KDM7A: variants seen among roughly 807,000 people sequenced by gnomAD.
KDM7A encodes lysine demethylase 7A.
Under a neutral mutation model 114.8 loss-of-function variants are expected in KDM7A, and 28 were observed. The observed-to-expected ratio is 0.24, with a 90% CI of 0.18 to 0.33. The LOEUF is 0.33. KDM7A is among the 10% of genes least tolerant of loss of function. KDM7A has a pLI of 1.00. For synonymous variants in KDM7A, 423 were observed against 397.8 expected, an observed-to-expected ratio of 1.06 and a Z score of -0.75; for missense variants, 942 against 1,142.5, an observed-to-expected ratio of 0.82 and a Z score of 2.53.
intron 2 of KDM7A, among the ~76,000 whole-genome samples, chr7:140,135,205 CTTTT>C (rs11336171): frequency 2.3e-5 from 3 of 131,818 alleles, no homozygotes; most frequent in Non-Finnish European, 4.8e-5. Context: ...TACATAACTC[CTTTT>C]TTTTTTTTTT....
At chr7:140,112,233 CATT>C (rs2116773260) in intron 10 of KDM7A, among the ~76,000 whole-genome samples, 1 of 152,278 alleles carries the variant, frequency 6.6e-6, no homozygotes, top group African/African-American at 2.4e-5. Flanking sequence ...AGTATAAAAT[CATT>C]GAGGCAGTAA....
At chr7:140,117,887 G>A (rs1047366911) in intron 9 of KDM7A, among the ~76,000 whole-genome samples, 10 of 152,170 alleles carry the variant, frequency 6.6e-5, no homozygotes, top group Non-Finnish European at 1.2e-4. Flanking sequence ...TCCTTCTCAT[G>A]CATGGGATTC....
intron 12 of KDM7A, among the ~76,000 whole-genome samples, chr7:140,100,733 TATATATATACATATA>T (rs1818207607): frequency 1.9e-5 from 1 of 51,888 alleles, no homozygotes; most frequent in African/African-American, 7.4e-5. Flanking sequence ...TATATATATA[TATATATATACATATA>T]TATTTTTTTG....
chr7:140,115,902 A>T (rs1467637174), intron 9 of KDM7A, among the ~76,000 whole-genome samples: 1 of 151,496 alleles, frequency 6.6e-6, no homozygotes, highest in Non-Finnish European at 1.5e-5. Flanking sequence ...CATAAAAAAA[A>T]AAGGCTTATA....
intron 1 of KDM7A, among the ~76,000 whole-genome samples, chr7:140,152,634 A>G (rs969051354): frequency 6.6e-6 from 1 of 152,162 alleles, no homozygotes; most frequent in Admixed American, 6.5e-5. Flanking sequence ...AAAAAAAAAA[A>G]AAAGAAATCC....
chr7:140,133,958 C>T (rs1818830877), intron 2 of KDM7A, among the ~76,000 whole-genome samples: 1 of 152,168 alleles, frequency 6.6e-6, no homozygotes, highest in African/African-American at 2.4e-5. Flanking sequence ...TATACAATTT[C>T]CAAATTATAT....
intron 1 of KDM7A, among the ~76,000 whole-genome samples, chr7:140,154,365 G>A (rs912410706): frequency 6.6e-6 from 1 of 151,514 alleles, no homozygotes; most frequent in Non-Finnish European, 1.5e-5. Context: ...ATGGTGGCAT[G>A]TACCTGTAGC....
chr7:140,155,531 T>C (rs893736696), intron 1 of KDM7A, among the ~76,000 whole-genome samples: 42 of 152,338 alleles, frequency 2.8e-4, no homozygotes, highest in Middle Eastern at 6.8e-3. Flanking sequence ...CACCAGTGTA[T>C]CAGAATACGG....
chr7:140,171,044 T>C (rs1187846183), intron 1 of KDM7A, among the ~76,000 whole-genome samples: 1 of 144,904 alleles, frequency 6.9e-6, no homozygotes, highest in Admixed American at 7.1e-5. Flanking sequence ...GGGTTGGTAA[T>C]GTACTGAGAC....
intron 18 of KDM7A, among the ~76,000 whole-genome samples, chr7:140,092,946 C>T (rs1420116049): frequency 6.6e-6 from 1 of 152,122 alleles, no homozygotes; most frequent in Non-Finnish European, 1.5e-5. Flanking sequence ...ACCTTTGACT[C>T]TGGAATGTAT....
chr7:140,156,620 G>A (rs1010746124), intron 1 of KDM7A, among the ~76,000 whole-genome samples: 1 of 152,178 alleles, frequency 6.6e-6, no homozygotes, highest in African/African-American at 2.4e-5. Flanking sequence ...CCCACCCAAA[G>A]GGAGAGAGGA....
chr7:140,105,405 TATG>T (rs1818316675), intron 11 of KDM7A, among the ~76,000 whole-genome samples: 1 of 152,216 alleles, frequency 6.6e-6, no homozygotes, highest in South Asian at 2.1e-4. Flanking sequence ...GCCCATTCAT[TATG>T]ATATTGGCTG....
At chr7:140,166,167 C>T (rs1794572310) in intron 1 of KDM7A, among the ~76,000 whole-genome samples, 1 of 152,078 alleles carries the variant, frequency 6.6e-6, no homozygotes, top group South Asian at 2.1e-4. Context: ...TCTTGGAACA[C>T]ATATCTCCCT....
intron 5 of KDM7A, 43 bp downstream of exon 5, chr7:140,127,399 C>T (rs1335013256): frequency 6.5e-7 from 1 of 1,533,934 alleles, no homozygotes; most frequent in Admixed American, 1.8e-5. Flanking sequence ...CTACATTTAG[C>T]TAACACTCAG....
chr7:140,139,974 G>A (rs12056023), intron 1 of KDM7A, among the ~76,000 whole-genome samples: 30,294 of 152,052 alleles, frequency 0.2, 3,755 homozygotes, highest in East Asian at 0.32. Flanking sequence ...AGTCCTGAAC[G>A]ATCACTTAGT....
chr7:140,151,029 C>T (rs867012610), intron 1 of KDM7A, among the ~76,000 whole-genome samples: 28 of 152,184 alleles, frequency 1.8e-4, no homozygotes, highest in Middle Eastern at 6.8e-3. Flanking sequence ...TGGGGTTTCA[C>T]CATGTTGGCC....
intron 15 of KDM7A, 135 bp downstream of exon 15, chr7:140,097,410 C>G (rs1477673832): frequency 1.7e-6 from 1 of 578,836 alleles, no homozygotes; most frequent in Non-Finnish European, 3.1e-6. Flanking sequence ...CTGACCACCA[C>G]AGAAGACCCT....
chr7:140,135,359 C>T (rs1259209742), intron 2 of KDM7A, among the ~76,000 whole-genome samples: 1 of 152,014 alleles, frequency 6.6e-6, no homozygotes, highest in Non-Finnish European at 1.5e-5. Context: ...TGTGCCACCA[C>T]ATTCGGCTAA....
chr7:140,160,942 A>C (rs1191435192), intron 1 of KDM7A, among the ~76,000 whole-genome samples: 2 of 152,208 alleles, frequency 1.3e-5, no homozygotes, highest in Non-Finnish European at 2.9e-5. Flanking sequence ...CTCCAAAGAA[A>C]ACTTTGATCC....
Sources: gnomAD v4.1 joint callset for allele counts (sites outside exome capture counted in the v4.1 genomes callset) on GRCh38, gnomAD v4.1.1 for gene constraint, MANE v1.5 for transcripts, NCBI Gene and HGNC (gene_info 2026-07-23, HGNC 2026-07-21) for gene names.